Variants in PCDHGB2 observed in about 807,000 individuals in gnomAD.
PCDHGB2 encodes protocadherin gamma subfamily B, 2.
PCDHGB2 carries 55 observed loss-of-function variants against 59.3 expected under a neutral mutation model. That is an observed-to-expected ratio of 0.93 (90% CI 0.75 to 1.16). PCDHGB2 has a LOEUF of 1.16. PCDHGB2 is among the 50% of genes most tolerant of loss of function. The pLI is 0.00. For missense variants in PCDHGB2, 1,228 were observed against 1,198.5 expected, an observed-to-expected ratio of 1.02 and a Z score of -0.36; for synonymous variants, 516 against 512.0, an observed-to-expected ratio of 1.01 and a Z score of -0.11.
At position 141,360,083 on chromosome 5, in the gene PCDHGB2, AT is replaced by A. The variant is rs1761415587; in HGVS notation, c.-52del. ...AAGTGACCTTAGCCCGGATTCTGCC[AT>A]CCCCGGAAGGCTTATTCCTCCTATG... On this transcript the variant is annotated 5_prime_UTR_variant, in exon 1 of 4. Coordinates refer to ENST00000522605, the MANE Select transcript of PCDHGB2 (RefSeq NM_018923.3). The A allele has an allele frequency of 1.3e-6, 2 of 1,491,458 alleles. No homozygotes were observed. Among genetic ancestry groups the A allele is most frequent in the Non-Finnish European group, 8.9e-7 (1 of 1,120,632 alleles). The allele number at this position is 1,491,458 out of a possible 1,614,324, so 92.4% of individuals were successfully genotyped here. A position where few individuals can be genotyped will look rare whatever the true frequency, so the allele number is the denominator to read the frequency against.
intron 1 of PCDHGB2, chr5:141,364,423 C>T (rs773799474): frequency 6.2e-7 from 1 of 1,613,592 alleles, no homozygotes; most frequent in South Asian, 1.1e-5. Context: ...CCGGGCAGAT[C>T]CGCTACTCGA....
intron 1 of PCDHGB2, among the ~76,000 whole-genome samples, chr5:141,463,135 C>T (rs1352400365): frequency 6.6e-6 from 1 of 152,246 alleles, no homozygotes; most frequent in Middle Eastern, 3.4e-3. Context: ...GGCAGTTCTT[C>T]GCCCAGCTGC....
chr5:141,477,819 T>C lies in PCDHGB2; in HGVS notation c.2422-16988T>C. 1.9e-6 allele frequency: 3 copies of C among 1,614,138 alleles called. No individual in the cohort carries two copies. The highest frequency in any genetic ancestry group is 2.5e-6 in the Non-Finnish European group (3 of 1,180,030). On this transcript the variant is annotated intron_variant, in intron 1 of 3. Transcript: ENST00000522605. The surrounding 1 kb of genome is among the most constrained non-coding windows in gnomAD (Gnocchi z 4.9). ...CGCAATGACAATGCCCCCCAGGTCC[T>C]ATATCCTCGGCCAGGTGGGAGCTCG...
At chr5:141,419,371 C>T (rs751971270) in intron 1 of PCDHGB2, 4 of 1,613,662 alleles carry the variant, frequency 2.5e-6, no homozygotes, top group Non-Finnish European at 8.5e-7. Flanking sequence ...TGTCGTCCTA[C>T]GTGTCCGTGA....
chr5:141,430,399 T>G (rs2097282187), intron 1 of PCDHGB2, among the ~76,000 whole-genome samples: 1 of 150,106 alleles, frequency 6.7e-6, no homozygotes, highest in Admixed American at 6.6e-5. Flanking sequence ...AAAAAAAAGC[T>G]CACTAAAGTT....
intron 1 of PCDHGB2, chr5:141,395,553 TG>T: frequency 1.2e-5 from 1 of 84,110 alleles, no homozygotes; most frequent in Non-Finnish European, 2.1e-5. Context: ...TGTGTGTGTG[TG>T]TGTGTGTGTG....
intron 1 of PCDHGB2, chr5:141,407,971 G>T (rs1399304138): frequency 2.8e-6 from 2 of 717,762 alleles, no homozygotes; most frequent in Non-Finnish European, 4.3e-6. Context: ...AAGCGCTGAC[G>T]CCGGGGATCC....
chr5:141,380,114 G>T (rs1776224365), intron 1 of PCDHGB2, among the ~76,000 whole-genome samples: 1 of 151,828 alleles, frequency 6.6e-6, no homozygotes, highest in Non-Finnish European at 1.5e-5. Context: ...TGGCCAGGCT[G>T]GTCTCAAACT....
intron 1 of PCDHGB2, among the ~76,000 whole-genome samples, chr5:141,492,437 C>T (rs182333697): frequency 8.5e-5 from 13 of 152,332 alleles, no homozygotes; most frequent in Admixed American, 8.5e-4. Flanking sequence ...CAGGAGTACT[C>T]GTAGCTGATT....
intron 1 of PCDHGB2, chr5:141,418,495 G>T (rs745982190): frequency 6.2e-7 from 1 of 1,613,974 alleles, no homozygotes; most frequent in South Asian, 1.1e-5. Context: ...ACTTGGTACT[G>T]ACCGCCTTAG....
At chr5:141,370,234 A>G (rs1034949073) in intron 1 of PCDHGB2, 24 of 600,046 alleles carry the variant, frequency 4.0e-5, no homozygotes, top group African/African-American at 3.2e-4. Flanking sequence ...CCAGCTCGGA[A>G]GAAAAGTGCA....
intron 1 of PCDHGB2, chr5:141,388,653 C>T (rs1315025499): frequency 6.2e-7 from 1 of 1,613,728 alleles, no homozygotes; most frequent in Non-Finnish European, 8.5e-7. Context: ...AAACGTGTAC[C>T]CGGGGACCAC....
intron 1 of PCDHGB2, chr5:141,478,323 G>T (rs1234175290): frequency 1.2e-6 from 2 of 1,613,958 alleles, no homozygotes; most frequent in African/African-American, 2.7e-5. Context: ...TCACTGTACC[G>T]AACACCAGGG....
rs569220332 is a variant in PCDHGB2, at chr5:141,475,688, A to G, written c.2422-19119A>G. 2.0e-5 allele frequency among the ~76,000 whole-genome samples: 3 copies of G among 152,330 alleles called. No homozygotes were observed. In the South Asian group the frequency reaches 6.2e-4, roughly 32 times the overall value. On this transcript the variant is annotated intron_variant, in intron 1 of 3. Coordinates refer to ENST00000522605, the MANE Select transcript of PCDHGB2 (RefSeq NM_018923.3). ...TTTAATGAGTCTTGATTTGGATTGG[A>G]GACTTGCAGAACGGCTAGCCTCACA...
At chr5:141,505,238 G>A (rs1254100882) in intron 2 of PCDHGB2, 155 bp from the exon 3 acceptor site, 2 of 890,422 alleles carry the variant, frequency 2.2e-6, no homozygotes, top group South Asian at 5.2e-5. Context: ...GGCTTCTGAA[G>A]GATTGTAGAA....
chr5:141,473,299 G>T (rs182316672), intron 1 of PCDHGB2, among the ~76,000 whole-genome samples: 5 of 152,228 alleles, frequency 3.3e-5, no homozygotes, highest in Admixed American at 1.3e-4. Flanking sequence ...GTAGCATAAA[G>T]ATTGCTATAT....
intron 1 of PCDHGB2, among the ~76,000 whole-genome samples, chr5:141,451,329 A>G (rs991467686): frequency 2.6e-5 from 4 of 152,196 alleles, no homozygotes; most frequent in African/African-American, 9.6e-5. Context: ...ACCTAAGGCT[A>G]TTGTCTTATC....
rs199973289 is a variant in PCDHGB2, at chr5:141,393,414, G to A, written c.2421+30858G>A. On this transcript the variant is annotated intron_variant, in intron 1 of 3. Transcript: ENST00000522605. ...AGAGCTGGTGCTGGAGCGCGCCCTG[G>A]ACAGGGAGGAAGAGGCTGCTCACCA... 7 of 1,614,038 alleles carry A rather than the reference G, an allele frequency of 4.3e-6. No individual in the cohort carries two copies. In the East Asian group the frequency reaches 1.3e-4, roughly 31 times the overall value.
At chr5:141,482,457 C>T (rs1279922250) in intron 1 of PCDHGB2, among the ~76,000 whole-genome samples, 3 of 147,484 alleles carry the variant, frequency 2.0e-5, no homozygotes, top group Non-Finnish European at 3.0e-5. Context: ...TATTAGCATC[C>T]CTATGTGCCA....
Sources: gnomAD v4.1 joint callset for allele counts (sites outside exome capture counted in the v4.1 genomes callset) on GRCh38, gnomAD v4.1.1 for gene constraint, Gnocchi (gnomAD v3.1) non-coding constraint, MANE v1.5 for transcripts, NCBI Gene and HGNC (gene_info 2026-07-23, HGNC 2026-07-21) for gene names.